The following SYNE1 variants were observed in gnomAD, a reference collection of about 807,000 sequenced individuals.
SYNE1 encodes the protein spectrin repeat containing nuclear envelope protein 1.
A neutral mutation model predicts 1,111.0 loss-of-function variants in SYNE1; 616 were observed. The ratio of observed to expected loss-of-function variants is 0.55; its 90% confidence interval spans 0.52 to 0.59. The LOEUF (loss-of-function observed/expected upper bound fraction) is 0.59, where lower values mean the gene tolerates loss of function less well. SYNE1 is among the 20% of genes least tolerant of loss of function. The pLI, the probability that SYNE1 is intolerant of heterozygous loss-of-function variation, is 0.00. For missense variants in SYNE1, 10,006 were observed against 10,417.0 expected (o/e 0.96, Z 1.72); for synonymous variants, 3,855 against 3,825.8 (o/e 1.01, Z -0.28).
intron 80 of SYNE1, 90 bp downstream of exon 80, chr6:152,325,868 C>A: frequency 6.7e-7 from 1 of 1,501,176 alleles, no homozygotes. Flanking sequence ...GAAAAAAGTC[C>A]AGGTAGAAAT....
chr6:152,149,744 T>C, intron 135 of SYNE1, 76 bp from the exon 136 acceptor site: 1 of 1,302,858 alleles, frequency 7.7e-7, no homozygotes, highest in South Asian at 1.2e-5. Flanking sequence ...AATAGATGTA[T>C]TTCTCATTAC....
intron 4 of SYNE1, among the ~76,000 whole-genome samples, chr6:152,537,213 T>C (rs1452824309): frequency 2.0e-5 from 3 of 152,132 alleles, no homozygotes; most frequent in African/African-American, 4.8e-5. Flanking sequence ...AACCCGCCAA[T>C]TGTTAATGTT....
intron 133 of SYNE1, among the ~76,000 whole-genome samples, chr6:152,152,806 T>G (rs2060679564): frequency 6.6e-6 from 1 of 152,200 alleles, no homozygotes; most frequent in Admixed American, 6.5e-5. Flanking sequence ...TTCCTGTGAT[T>G]TAATTAGTTT....
At position 152,318,989 on chromosome 6, in the gene SYNE1, C is replaced by T. The variant is rs1322048819; in HGVS notation, c.16263G>A (p.Glu5421=). 3.1e-6 allele frequency: 5 copies of T among 1,614,030 alleles called. No homozygotes were observed. ...DQIQDKIKEV[E]QSKATSQELS... Reference sequence around the variant, plus strand: ...GTTCCTGGCTCGTGGCCTTGCTCTGCTCAACTTCTTTTATTTTGTCTTGGA... The same window carrying T: ...GTTCCTGGCTCGTGGCCTTGCTCTGTTCAACTTCTTTTATTTTGTCTTGGA... Residue 5421 remains glutamate, a synonymous_variant, in exon 85 of 146, where the codon GAG becomes GAA. Coordinates refer to ENST00000367255, the MANE Select transcript of SYNE1 (RefSeq NM_182961.4).
intron 14 of SYNE1, among the ~76,000 whole-genome samples, chr6:152,481,723 G>A (rs1448509133): frequency 1.3e-5 from 2 of 150,464 alleles, no homozygotes; most frequent in African/African-American, 4.9e-5. Context: ...AATATACTGG[G>A]GTGATTCAAA....
chr6:152,232,762 G>T (rs745834837), intron 112 of SYNE1, among the ~76,000 whole-genome samples: 17 of 152,180 alleles, frequency 1.1e-4, no homozygotes, highest in Admixed American at 2.6e-4. Context: ...GCCCTTAGCT[G>T]ATATACACTA....
At chr6:152,379,156 T>C (rs2154111230) in intron 56 of SYNE1, among the ~76,000 whole-genome samples, 1 of 152,286 alleles carries the variant, frequency 6.6e-6, no homozygotes, top group East Asian at 1.9e-4. Flanking sequence ...GTGAAAAGTT[T>C]TTGACCAAAA....
chr6:152,423,935 A>G (rs1282190836), intron 39 of SYNE1, among the ~76,000 whole-genome samples: 1 of 152,192 alleles, frequency 6.6e-6, no homozygotes, highest in Non-Finnish European at 1.5e-5. Context: ...ACCATTCTAA[A>G]GATACACCAT....
intron 3 of SYNE1, among the ~76,000 whole-genome samples, chr6:152,544,146 C>T (rs1293701756): frequency 2.0e-5 from 3 of 152,146 alleles, no homozygotes; most frequent in Non-Finnish European, 2.9e-5. Flanking sequence ...GCAAAGGCAT[C>T]GTAAAATGGA....
At chr6:152,135,020 A>G (rs542332198) in intron 142 of SYNE1, 84 bp downstream of exon 142, 1 of 1,589,572 alleles carries the variant, frequency 6.3e-7, no homozygotes, top group Non-Finnish European at 8.6e-7. Flanking sequence ...AAGAAACAAC[A>G]CTTACCACTT....
chr6:152,553,746 T>C (rs1454213022), intron 3 of SYNE1, among the ~76,000 whole-genome samples: 1 of 152,214 alleles, frequency 6.6e-6, no homozygotes, highest in Non-Finnish European at 1.5e-5. Flanking sequence ...GTATTATTAT[T>C]ATATCATGTG....
intron 101 of SYNE1, 33 bp from the exon 102 acceptor site, chr6:152,256,798 C>A (rs371749443): frequency 8.1e-6 from 13 of 1,611,086 alleles, no homozygotes; most frequent in African/African-American, 1.3e-5. Context: ...TGTTGAAGAG[C>A]ATATGCATTA....
At chr6:152,356,280 C>T (rs1218648211) in intron 66 of SYNE1, among the ~76,000 whole-genome samples, 1 of 151,570 alleles carries the variant, frequency 6.6e-6, no homozygotes, top group Non-Finnish European at 1.5e-5. Flanking sequence ...GACACTGTGG[C>T]CCTGGACAGT....
intron 100 of SYNE1, among the ~76,000 whole-genome samples, chr6:152,265,443 T>C (rs2092599275): frequency 6.6e-6 from 1 of 152,078 alleles, no homozygotes; most frequent in Non-Finnish European, 1.5e-5. Flanking sequence ...GTCTATAATA[T>C]TAGTATCTGA....
intron 13 of SYNE1, among the ~76,000 whole-genome samples, chr6:152,483,826 T>C (rs2098923469): frequency 6.6e-6 from 1 of 151,926 alleles, no homozygotes; most frequent in Admixed American, 6.6e-5. Context: ...CCTAGCTTAC[T>C]GGAAAGCCAG....
chr6:152,429,770 A>G (rs773180059), intron 36 of SYNE1, among the ~76,000 whole-genome samples: 50 of 152,312 alleles, frequency 3.3e-4, no homozygotes, highest in Admixed American at 2.6e-3. Flanking sequence ...AGACAGCTAT[A>G]CACATATATT....
At chr6:152,409,787 G>T in intron 42 of SYNE1, 78 bp from the exon 43 acceptor site, 1 of 1,438,140 alleles carries the variant, frequency 7.0e-7, no homozygotes, top group Non-Finnish European at 9.7e-7. Flanking sequence ...TGGACTTGAT[G>T]TTTCACTACG....
chr6:152,149,434 C>G, intron 136 of SYNE1, 43 bp downstream of exon 136: 4 of 1,611,116 alleles, frequency 2.5e-6, no homozygotes, highest in Non-Finnish European at 3.4e-6. Flanking sequence ...ACGACTTATT[C>G]TCTTTAGATT....
intron 95 of SYNE1, among the ~76,000 whole-genome samples, chr6:152,287,087 T>G (rs35316375): frequency 1.8e-4 from 28 of 152,356 alleles, no homozygotes; most frequent in Admixed American, 3.3e-4. Flanking sequence ...CCAAGCAGCA[T>G]TTGATTTAAT....
Sources: allele counts gnomAD v4.1 joint callset (sites outside exome capture counted in the v4.1 genomes callset), GRCh38; gene constraint gnomAD v4.1.1; transcripts MANE v1.5; gene names NCBI Gene and HGNC (gene_info 2026-07-23, HGNC 2026-07-21).